Variants in LRRTM4 observed in about 807,000 individuals in gnomAD.
The protein encoded by LRRTM4 is leucine-rich repeat transmembrane neuronal protein 4.
In LRRTM4, 25 loss-of-function variants were observed where a neutral mutation model predicts 47.6. The observed-to-expected ratio is 0.53, with a 90% CI of 0.38 to 0.73. The LOEUF (loss-of-function observed/expected upper bound fraction) is 0.73, where lower values mean the gene tolerates loss of function less well. Among genes scored for constraint, LRRTM4 ranks in the 30% least tolerant of loss-of-function variants. LRRTM4 has a pLI of 0.00. For synonymous variants in LRRTM4, 311 were observed against 269.5 expected (o/e 1.15, Z -1.51); for missense variants, 638 against 713.4 (o/e 0.89, Z 1.20).
intron 3 of LRRTM4, among the ~76,000 whole-genome samples, chr2:77,168,620 A>G (rs958571859): frequency 6.6e-6 from 1 of 152,142 alleles, no homozygotes; most frequent in Admixed American, 6.6e-5. Flanking sequence ...AATTATAGTC[A>G]TTCTACTTTT....
At chr2:76,762,845 T>TA (rs1393174630) in intron 3 of LRRTM4, among the ~76,000 whole-genome samples, 15 of 152,166 alleles carry the variant, frequency 9.9e-5, no homozygotes, top group Admixed American at 2.6e-4. Flanking sequence ...CATAGCATTT[T>TA]AAAAAACAGT....
chr2:76,912,185 C>G (rs560840879), intron 3 of LRRTM4, among the ~76,000 whole-genome samples: 4 of 152,092 alleles, frequency 2.6e-5, no homozygotes, highest in East Asian at 1.9e-4. Flanking sequence ...TCCCAAAGTG[C>G]TAGGATTACA....
chr2:76,990,472 G>T (rs1056047872), intron 3 of LRRTM4, among the ~76,000 whole-genome samples: 6 of 151,656 alleles, frequency 4.0e-5, no homozygotes, highest in African/African-American at 1.5e-4. Flanking sequence ...CAGGCAGATG[G>T]AAAACAAGAA....
At chr2:77,234,679 C>G (rs1056017099) in intron 3 of LRRTM4, among the ~76,000 whole-genome samples, 9 of 152,154 alleles carry the variant, frequency 5.9e-5, no homozygotes, top group African/African-American at 2.2e-4. Context: ...TTGCCCATAA[C>G]TGGGGCTCTG....
At chr2:77,294,727 G>T (rs1418374788) in intron 3 of LRRTM4, among the ~76,000 whole-genome samples, 5 of 152,048 alleles carry the variant, frequency 3.3e-5, no homozygotes, top group Non-Finnish European at 7.4e-5. Context: ...TCACTACAAA[G>T]AGCTAAAAAC....
At chr2:76,793,735 ATTTTGCCC>A (rs1358565419) in intron 3 of LRRTM4, among the ~76,000 whole-genome samples, 1 of 152,150 alleles carries the variant, frequency 6.6e-6, no homozygotes, top group Non-Finnish European at 1.5e-5. Context: ...AATTGGGCAC[ATTTTGCCC>A]ACCAGTATGA....
chr2:77,014,146 T>C (rs1034797716), intron 3 of LRRTM4, among the ~76,000 whole-genome samples: 2 of 152,046 alleles, frequency 1.3e-5, no homozygotes, highest in Non-Finnish European at 2.9e-5. Flanking sequence ...GGCTATGGAT[T>C]AGCAAGGCTG....
intron 3 of LRRTM4, among the ~76,000 whole-genome samples, chr2:77,458,114 A>AT (rs1345704631): frequency 1.3e-5 from 2 of 152,030 alleles, no homozygotes. Flanking sequence ...TATGTCCAAT[A>AT]TTTTTTTACC....
At chr2:77,031,778 G>T (rs1678666614) in intron 3 of LRRTM4, among the ~76,000 whole-genome samples, 2 of 152,096 alleles carry the variant, frequency 1.3e-5, no homozygotes, top group South Asian at 4.1e-4. Context: ...CACAATATGT[G>T]CATGTAAATG....
chr2:77,217,440 A>AATATATATATATATATATACAT (rs1674484762), intron 3 of LRRTM4, among the ~76,000 whole-genome samples: 1 of 76,818 alleles, frequency 1.3e-5, no homozygotes, highest in Non-Finnish European at 2.2e-5. Flanking sequence ...CTCCAAATGA[A>AATATATATATATATATATACAT]ATATATATAT....
chr2:76,930,632 G>A (rs1254846035), intron 3 of LRRTM4, among the ~76,000 whole-genome samples: 1 of 152,090 alleles, frequency 6.6e-6, no homozygotes, highest in East Asian at 1.9e-4. Context: ...GACATATGGA[G>A]TGCTTTTTCA....
chr2:76,777,235 C>A lies in LRRTM4; in HGVS notation c.1552-28319G>T, dbSNP rs371238479. 3.9e-3 allele frequency among the ~76,000 whole-genome samples: 588 copies of A among 150,130 alleles called. 11 individuals carry two copies. Among genetic ancestry groups the A allele is most frequent in the African/African-American group, 0.014 (558 of 40,840 alleles). ...TCTTTTGGCTTAGGATTGACTTGGC[C>A]ATGCGGGCTCTTTTTTGGTTCCATA... On this transcript the variant is annotated intron_variant, in intron 3 of 3. Coordinates refer to ENST00000409884, the MANE Select transcript of LRRTM4 (RefSeq NM_001134745.3).
At chr2:77,049,577 CGTTT>C (rs1361919872) in intron 3 of LRRTM4, among the ~76,000 whole-genome samples, 8 of 151,802 alleles carry the variant, frequency 5.3e-5, no homozygotes, top group South Asian at 2.1e-4. Flanking sequence ...ACCTGTTGAC[CGTTT>C]GTTTGTCTTC....
intron 3 of LRRTM4, chr2:76,986,034 C>T (rs1413240260): frequency 6.6e-6 from 1 of 151,978 alleles, no homozygotes; most frequent in East Asian, 1.9e-4. Flanking sequence ...CGCATTGTAA[C>T]TTTTAATTTT....
At chr2:76,784,818 A>T (rs1244291683) in intron 3 of LRRTM4, among the ~76,000 whole-genome samples, 1 of 152,106 alleles carries the variant, frequency 6.6e-6, no homozygotes, top group Non-Finnish European at 1.5e-5. Flanking sequence ...CACAAAAATG[A>T]AATACTAAAT....
At chr2:76,977,459 T>C (rs1213767411) in intron 3 of LRRTM4, among the ~76,000 whole-genome samples, 1 of 151,854 alleles carries the variant, frequency 6.6e-6, no homozygotes, top group Non-Finnish European at 1.5e-5. Context: ...AAATTACAAA[T>C]GTTGATTTGT....
At chr2:77,034,009 T>C (rs534517938) in intron 3 of LRRTM4, among the ~76,000 whole-genome samples, 9 of 151,896 alleles carry the variant, frequency 5.9e-5, no homozygotes, top group Non-Finnish European at 1.0e-4. Flanking sequence ...AAAGTATGCT[T>C]AGTATACCTT....
intron 3 of LRRTM4, among the ~76,000 whole-genome samples, chr2:76,797,378 G>C (rs144892610): frequency 1.3e-5 from 2 of 151,836 alleles, no homozygotes; most frequent in African/African-American, 4.8e-5. Context: ...CTTCATAAGC[G>C]AATGAGAAAT....
At chr2:77,402,449 G>A (rs558295299) in intron 3 of LRRTM4, among the ~76,000 whole-genome samples, 1 of 151,914 alleles carries the variant, frequency 6.6e-6, no homozygotes, top group African/African-American at 2.4e-5. Flanking sequence ...GCTCCTGGAT[G>A]ACTCAAAATT....
Sources: allele counts gnomAD v4.1 joint callset (sites outside exome capture counted in the v4.1 genomes callset), GRCh38; gene constraint gnomAD v4.1.1; transcripts MANE v1.5; gene names NCBI Gene and HGNC (gene_info 2026-07-23, HGNC 2026-07-21).